ATRX: variants seen among roughly 807,000 people sequenced by gnomAD.
The protein encoded by ATRX is ATRX chromatin remodeler.
Under a neutral mutation model 172.6 loss-of-function variants are expected in ATRX, and 12 were observed. The observed-to-expected ratio is 0.07, with a 90% CI of 0.04 to 0.11. The LOEUF (loss-of-function observed/expected upper bound fraction) is 0.11, where lower values mean the gene tolerates loss of function less well. Among genes scored for constraint, ATRX ranks in the 10% least tolerant of loss-of-function variants. ATRX has a pLI of 1.00. For missense variants in ATRX, 1,368 were observed against 1,767.4 expected (o/e 0.77, Z 4.05); for synonymous variants, 674 against 594.7 (o/e 1.13, Z -1.94).
At chrX:77,707,292 T>C (rs113075844) in intron 2 of ATRX, among the ~76,000 whole-genome samples, 2,744 of 112,128 alleles carry the variant, frequency 0.024, 82 homozygotes, top group African/African-American at 0.084. Flanking sequence ...TGGATGGTGG[T>C]GGTGAATGCA....
chrX:77,557,444 T>C lies in ATRX; in HGVS notation c.6699+7A>G. The C allele has an allele frequency of 4.1e-6, 5 of 1,208,647 alleles. No homozygotes were observed. Among genetic ancestry groups the C allele is most frequent in the East Asian group, 3.0e-5 (1 of 33,814 alleles). The stretch of plus-strand genomic sequence containing the variant: ...GTTTGTTAAGCCAATAATCTAAATA[T>C]GTTTACCTTTGGCAGCATGGGAGTA... On this transcript the variant is annotated splice_region_variant and intron_variant, in intron 30 of 34. Coordinates refer to ENST00000373344, the MANE Select transcript of ATRX (RefSeq NM_000489.6).
rs782123222 is a variant in ATRX at position 77,682,604 on chromosome X, C to G, written c.2652G>C (p.Glu884Asp). ...GSSDDAERKQ[E>D]RETFSSAEGT... ...CTTCTGCTGAAGAGAAAGTCTCTCT[C>G]TCTTGTTTTCTTTCAGCATCATCAG... The change falls in exon 9 of 35, where the codon GAG becomes GAC. Residue 884 changes from glutamate to aspartate, a missense_variant. Physicochemically the swap from Glu to Asp is conservative, Grantham distance 45. This residue lies in a region of ATRX where 843 missense variants were observed against 643.1 expected (regional missense o/e 1.31). Coordinates refer to ENST00000373344, the MANE Select transcript of ATRX (RefSeq NM_000489.6). The G allele has an allele frequency of 4.1e-5, 50 of 1,208,774 alleles. No individual in the cohort carries two copies. Among genetic ancestry groups the G allele is most frequent in the African/African-American group, 1.0e-4 (6 of 57,203 alleles).
intron 1 of ATRX, among the ~76,000 whole-genome samples, chrX:77,730,958 G>A (rs1557175881): frequency 1.8e-5 from 2 of 109,174 alleles, no homozygotes; most frequent in African/African-American, 6.6e-5. Flanking sequence ...CCCAAAATTA[G>A]AAGAAATAAT....
chrX:77,767,973 G>GAAATAA (rs2076034098), intron 1 of ATRX, among the ~76,000 whole-genome samples: 1 of 111,583 alleles, frequency 9.0e-6, no homozygotes, highest in Non-Finnish European at 1.9e-5. Context: ...ATGAGAGACT[G>GAAATAA]AACTAAAAAA....
intron 15 of ATRX, among the ~76,000 whole-genome samples, chrX:77,638,806 A>G (rs2068520792): frequency 8.9e-6 from 1 of 112,385 alleles, no homozygotes. Context: ...TAGGCCATTC[A>G]GACCCAAATT....
intron 15 of ATRX, among the ~76,000 whole-genome samples, chrX:77,644,590 C>T (rs972089178): frequency 9.1e-6 from 1 of 109,986 alleles, no homozygotes; most frequent in Non-Finnish European, 1.9e-5. Flanking sequence ...TAAAAAAAAT[C>T]ACAAAGATAC....
intron 30 of ATRX, among the ~76,000 whole-genome samples, chrX:77,536,871 CA>C (rs1430743900): frequency 5.4e-5 from 6 of 110,532 alleles, no homozygotes; most frequent in African/African-American, 2.0e-4. Context: ...GCACACACAC[CA>C]AAAAAAGGTG....
At position 77,508,524 on chromosome X, in the gene ATRX, G is replaced by C. The variant is rs782687209; in HGVS notation, c.7306C>G (p.Leu2436Val). 4 of 1,209,854 alleles carry C rather than the reference G, an allele frequency of 3.3e-6. No individual in the cohort carries two copies. The highest frequency in any genetic ancestry group is 1.8e-5 in the African/African-American group (1 of 57,058). Residue 2436 changes from leucine (L) to valine (V), a missense_variant, in exon 35 of 35, where the codon CTC becomes GTC. Physicochemically the swap from Leu to Val is conservative, Grantham distance 32 (BLOSUM62 1). Around this residue, in one of 17 missense-constraint regions of ATRX, gnomAD observed 100 missense variants for 153.9 expected, o/e 0.65. Transcript: ENST00000373344. ...MTYQQATLGH[L>V]MMPKPPNLIM... Reference sequence around the variant, plus strand: ...AAATTTGGGGGCTTTGGCATCATGAGGTGACCCAGTGTTGCTTGTTGATAA... The same window carrying C: ...AAATTTGGGGGCTTTGGCATCATGACGTGACCCAGTGTTGCTTGTTGATAA...
chrX:77,688,489 C>T (rs2071702290), intron 7 of ATRX, among the ~76,000 whole-genome samples: 1 of 111,549 alleles, frequency 9.0e-6, no homozygotes, highest in Admixed American at 9.5e-5. Flanking sequence ...CCCTCAACTA[C>T]CAGTATCTGA....
chrX:77,760,646 T>A (rs2075683423), intron 1 of ATRX, among the ~76,000 whole-genome samples: 1 of 110,975 alleles, frequency 9.0e-6, no homozygotes, highest in African/African-American at 3.3e-5. Flanking sequence ...ACTGAAAAAA[T>A]TCTAAATAAG....
chrX:77,716,214 C>T (rs1475839054), intron 2 of ATRX, among the ~76,000 whole-genome samples: 1 of 79,410 alleles, frequency 1.3e-5, no homozygotes, highest in African/African-American at 5.7e-5. Context: ...GAGAAGATTG[C>T]TTAAGCCCAA....
intron 30 of ATRX, among the ~76,000 whole-genome samples, chrX:77,541,160 CA>C (rs1430553848): frequency 8.9e-6 from 1 of 112,111 alleles, no homozygotes; most frequent in Non-Finnish European, 1.9e-5. Context: ...CACAGAAATA[CA>C]AACTAACATC....
intron 1 of ATRX, among the ~76,000 whole-genome samples, chrX:77,749,438 A>G (rs1557186527): frequency 1.8e-5 from 2 of 111,380 alleles, no homozygotes. Context: ...TATCTTTTTG[A>G]CATAATAATT....
chrX:77,649,664 T>G, intron 15 of ATRX, among the ~76,000 whole-genome samples: 1 of 111,760 alleles, frequency 8.9e-6, no homozygotes, highest in Non-Finnish European at 1.9e-5. Context: ...TGTGCTGTTC[T>G]TGTGATAGTG....
At chrX:77,532,745 T>G (rs2063618417) in intron 30 of ATRX, among the ~76,000 whole-genome samples, 1 of 111,935 alleles carries the variant, frequency 8.9e-6, no homozygotes, top group Non-Finnish European at 1.9e-5. Flanking sequence ...AAAGATTTCA[T>G]GAGAAAAACA....
intron 2 of ATRX, among the ~76,000 whole-genome samples, chrX:77,713,017 C>T (rs916299266): frequency 9.3e-5 from 10 of 107,422 alleles, no homozygotes; most frequent in Non-Finnish European, 1.5e-4. Context: ...GGTATGGTGG[C>T]GCATGACTGT....
intron 25 of ATRX, among the ~76,000 whole-genome samples, chrX:77,597,170 T>C (rs2066495126): frequency 9.0e-6 from 1 of 110,739 alleles, no homozygotes; most frequent in Admixed American, 9.7e-5. Context: ...ACATTGATAG[T>C]AAACTGTTTT....
At chrX:77,549,251 G>A (rs1302411923) in intron 30 of ATRX, among the ~76,000 whole-genome samples, 1 of 111,293 alleles carries the variant, frequency 9.0e-6, no homozygotes, top group Non-Finnish European at 1.9e-5. Context: ...CAGGCGTGGT[G>A]GCGCATGCCT....
At chrX:77,585,927 C>A in intron 27 of ATRX, among the ~76,000 whole-genome samples, 1 of 110,576 alleles carries the variant, frequency 9.0e-6, no homozygotes. Flanking sequence ...TTTGTGGGAT[C>A]TAAAAATAAA....
Sources: gnomAD v4.1 joint callset for allele counts (sites outside exome capture counted in the v4.1 genomes callset) on GRCh38, gnomAD v4.1.1 for gene constraint, gnomAD v4.1.1 regional missense constraint, MANE v1.5 for transcripts, NCBI Gene and HGNC (gene_info 2026-07-23, HGNC 2026-07-21) for gene names.